Variants in EIF4ENIF1 observed in about 807,000 individuals in gnomAD.
EIF4ENIF1 encodes eukaryotic translation initiation factor 4E transporter.
A neutral mutation model predicts 110.5 loss-of-function variants in EIF4ENIF1; 23 were observed. The observed-to-expected ratio is 0.21, with a 90% CI of 0.15 to 0.29. The LOEUF is 0.29. EIF4ENIF1 is among the 10% of genes least tolerant of loss of function. The pLI, the probability that EIF4ENIF1 is intolerant of heterozygous loss-of-function variation, is 1.00. For missense variants in EIF4ENIF1, 1,031 were observed against 1,221.1 expected (o/e 0.84, Z 2.32); for synonymous variants, 440 against 437.0 (o/e 1.01, Z -0.09).
intron 3 of EIF4ENIF1, 70 bp downstream of exon 3, chr22:31,471,774 A>C (rs1470702125): frequency 7.5e-7 from 1 of 1,337,916 alleles, no homozygotes; most frequent in East Asian, 2.4e-5. Flanking sequence ...TACAATTCTT[A>C]ATTTACCAAG....
intron 4 of EIF4ENIF1, among the ~76,000 whole-genome samples, chr22:31,465,411 A>G (rs1025530126): frequency 6.6e-6 from 1 of 152,208 alleles, no homozygotes; most frequent in African/African-American, 2.4e-5. Context: ...TGGAAGGCAA[A>G]TAAGCATATG....
intron 16 of EIF4ENIF1, 89 bp downstream of exon 16, chr22:31,442,873 G>A (rs1358684380): frequency 2.6e-6 from 4 of 1,531,926 alleles, no homozygotes; most frequent in Non-Finnish European, 2.6e-6. Flanking sequence ...CCAGGGCTTT[G>A]TATAGAATAT....
At chr22:31,445,959 C>G (rs936885390) in intron 14 of EIF4ENIF1, among the ~76,000 whole-genome samples, 13 of 147,898 alleles carry the variant, frequency 8.8e-5, no homozygotes, top group East Asian at 2.1e-4. Context: ...TACCGCCCCC[C>G]CCCCCCATCT....
intron 17 of EIF4ENIF1, among the ~76,000 whole-genome samples, chr22:31,441,114 G>A (rs1460733925): frequency 1.3e-5 from 2 of 152,194 alleles, no homozygotes; most frequent in African/African-American, 4.8e-5. Context: ...AATTAGCCAG[G>A]TGTAGTGGCA....
Position 31,439,619 on chromosome 22 carries a change from T to G in EIF4ENIF1, c.*261A>C. On this transcript the variant is annotated 3_prime_UTR_variant, in exon 19 of 19. Coordinates refer to ENST00000330125, the MANE Select transcript of EIF4ENIF1 (RefSeq NM_019843.4). ...ACCTCTTGGTGAGGACACCAACACT[T>G]CATTCACATATCTTACAAAAAAGAA... The G allele has an allele frequency of 2.0e-6, 1 of 502,390 alleles. No homozygotes were observed. Among genetic ancestry groups the G allele is most frequent in the Non-Finnish European group, 3.5e-6 (1 of 286,708 alleles). 31.1% of individuals were successfully genotyped at this position (502,390 alleles called of 1,614,324 possible). A position where few individuals can be genotyped will look rare whatever the true frequency, so the allele number is the denominator to read the frequency against.
At chr22:31,450,456 G>A in intron 10 of EIF4ENIF1, 96 bp from the exon 11 acceptor site, 1 of 927,420 alleles carries the variant, frequency 1.1e-6, no homozygotes. Flanking sequence ...TACTCCTAGG[G>A]AGTTAATAGC....
chr22:31,449,468 T>C lies in EIF4ENIF1; in HGVS notation c.1648A>G (p.Ser550Gly), dbSNP rs369457358. ...SSNLLSGLMG[S>G]LEPTTSLLGQ... ...AGTAAAGATGTTGTAGGCTCCAAGC[T>C]CCCCATAAGGCCACTCAGAAGATTG... The change falls in exon 12 of 19, where the codon AGC (serine) becomes GGC (glycine). Residue 550 changes from serine to glycine, a missense_variant. Transcript: ENST00000330125. 3.1e-6 allele frequency: 5 copies of C among 1,613,886 alleles called. No individual in the cohort carries two copies. The highest frequency in any genetic ancestry group is 4.5e-5 in the East Asian group (2 of 44,884).
rs528606720 is a variant in EIF4ENIF1 at position 31,479,556 on chromosome 22, G to A, written c.97-7639C>T. 4.6e-5 allele frequency: 7 copies of A among 152,048 alleles called. No individual in the cohort carries two copies. The East Asian group carries it at 1.2e-3, about 25-fold the overall frequency. 9.4% of individuals were successfully genotyped at this position (152,048 alleles called of 1,614,324 possible). A position where few individuals can be genotyped will look rare whatever the true frequency, so the allele number is the denominator to read the frequency against. ...ACATTATTCGTGGAAATACCCCTTT[G>A]GGATATTTTCAAAGAAAACGTTCAA... On this transcript the variant is annotated intron_variant, in intron 2 of 18. Transcript: ENST00000330125.
intron 1 of EIF4ENIF1, 34 bp from the exon 2 acceptor site, chr22:31,488,779 G>A (rs187968794): frequency 1.3e-6 from 2 of 1,563,284 alleles, no homozygotes; most frequent in South Asian, 2.4e-5. Flanking sequence ...TTGTCACCGA[G>A]AACAGTAAGT....
At chr22:31,455,032 T>C in intron 9 of EIF4ENIF1, 104 bp downstream of exon 9, 1 of 947,754 alleles carries the variant, frequency 1.1e-6, no homozygotes, top group Non-Finnish European at 1.5e-6. Flanking sequence ...ACCCAATATA[T>C]ATTTGACTTT....
chr22:31,442,877 A>G (rs2050346605), intron 16 of EIF4ENIF1, 85 bp downstream of exon 16: 4 of 1,542,696 alleles, frequency 2.6e-6, no homozygotes, highest in Non-Finnish European at 3.5e-6. Flanking sequence ...GGCTTTGTAT[A>G]GAATATCAGG....
chr22:31,471,443 T>C (rs965217444), intron 3 of EIF4ENIF1, among the ~76,000 whole-genome samples: 4 of 151,898 alleles, frequency 2.6e-5, no homozygotes, highest in African/African-American at 9.7e-5. Flanking sequence ...GCCTCCCGAG[T>C]AGCTGGGACT....
intron 3 of EIF4ENIF1, among the ~76,000 whole-genome samples, chr22:31,470,341 C>T (rs115560544): frequency 0.023 from 3,512 of 151,538 alleles, 123 homozygotes; most frequent in African/African-American, 0.08. Flanking sequence ...AGTGCAATGG[C>T]GCAGTCTAGG....
Position 31,440,192 on chromosome 22 carries a change from C to G in EIF4ENIF1, c.2717-71G>C, listed in dbSNP as rs1361041589. 6.8e-6 allele frequency: 11 copies of G among 1,606,738 alleles called. No homozygotes were observed. The South Asian group carries it at 1.2e-4, about 18-fold the overall frequency. On this transcript the variant is annotated intron_variant, in intron 18 of 18. Transcript: ENST00000330125. ...TTTATTAGACCCTGCTTCATTCAAA[C>G]CCTATCCAAAGAAAAGTCTTTACTA...
intron 12 of EIF4ENIF1, among the ~76,000 whole-genome samples, chr22:31,448,672 T>C (rs1284425014): frequency 6.6e-6 from 1 of 152,224 alleles, no homozygotes; most frequent in African/African-American, 2.4e-5. Context: ...TGGCCTAGGA[T>C]AGCAGGAACA....
Position 31,439,931 on chromosome 22 carries a change from G to C in EIF4ENIF1, c.2907C>G (p.Pro969=), listed in dbSNP as rs376614228. The change falls in exon 19 of 19, where the codon CCC becomes CCG. Residue 969 remains proline (P), a synonymous_variant. Transcript: ENST00000330125. ...CACTGATAACTTTGGCGGGCATGGA[G>C]GGCAGGGGTTGCTGTAGCACATCTG... is the stretch of plus-strand genomic sequence containing the variant. ...FGSDVLQQPL[P]SMPAKVISVD... is the part of the protein sequence containing the mutation. 1 of 1,614,026 alleles carries C rather than the reference G, an allele frequency of 6.2e-7. No homozygotes were observed. The highest frequency in any genetic ancestry group is 1.3e-5 in the African/African-American group (1 of 74,942).
intron 3 of EIF4ENIF1, among the ~76,000 whole-genome samples, chr22:31,468,622 T>A (rs2051269036): frequency 6.6e-6 from 1 of 152,174 alleles, no homozygotes; most frequent in South Asian, 2.1e-4. Context: ...CTCTAACTCC[T>A]AACCTCAAGT....
intron 2 of EIF4ENIF1, among the ~76,000 whole-genome samples, chr22:31,475,605 A>G (rs2051541678): frequency 6.6e-6 from 1 of 151,798 alleles, no homozygotes; most frequent in South Asian, 2.1e-4. Flanking sequence ...TATAAAACTT[A>G]GCCAGGTGTG....
chr22:31,472,598 A>G (rs988324121), intron 2 of EIF4ENIF1, among the ~76,000 whole-genome samples: 1 of 152,074 alleles, frequency 6.6e-6, no homozygotes, highest in Non-Finnish European at 1.5e-5. Context: ...GTAATGTTGC[A>G]AGACTGAAAA....
Sources: gnomAD v4.1 joint callset for allele counts (sites outside exome capture counted in the v4.1 genomes callset) on GRCh38, gnomAD v4.1.1 for gene constraint, MANE v1.5 for transcripts, NCBI Gene and HGNC (gene_info 2026-07-23, HGNC 2026-07-21) for gene names.